Variants in TEX11 observed in about 807,000 individuals in gnomAD.
TEX11 encodes testis expressed 11.
Under a neutral mutation model 84.4 loss-of-function variants are expected in TEX11, and 7 were observed. That is an observed-to-expected ratio of 0.08 (90% CI 0.05 to 0.16). The LOEUF is 0.16. Among genes scored for constraint, TEX11 ranks in the 10% least tolerant of loss-of-function variants. TEX11 has a pLI of 1.00. For missense variants in TEX11, 551 were observed against 660.5 expected (o/e 0.83, Z 1.82); for synonymous variants, 264 against 222.8 (o/e 1.18, Z -1.64).
intron 2 of TEX11, among the ~76,000 whole-genome samples, chrX:70,890,683 G>C (rs1196734401): frequency 2.7e-5 from 3 of 112,297 alleles, no homozygotes; most frequent in Non-Finnish European, 3.8e-5. Flanking sequence ...GGCTTGAGTA[G>C]GTAAACAAAG....
chrX:70,817,260 C>T (rs1380391173), intron 8 of TEX11, among the ~76,000 whole-genome samples: 2 of 106,778 alleles, frequency 1.9e-5, no homozygotes, highest in African/African-American at 7.0e-5. Context: ...TATATACACA[C>T]ACACACACAC....
At chrX:70,875,584 CAAAAAAA>C (rs34342977) in intron 3 of TEX11, among the ~76,000 whole-genome samples, 5 of 60,078 alleles carry the variant, frequency 8.3e-5, no homozygotes, top group African/African-American at 1.2e-4. Flanking sequence ...ACTAAAAATA[CAAAAAAA>C]AAAAAAAAAA....
At chrX:70,633,267 A>G (rs2089531405) in intron 17 of TEX11, among the ~76,000 whole-genome samples, 1 of 112,247 alleles carries the variant, frequency 8.9e-6, no homozygotes, top group Non-Finnish European at 1.9e-5. Flanking sequence ...TTGAAAATCA[A>G]TTAATGTAAC....
At chrX:70,557,550 T>C (rs767777038) in intron 25 of TEX11, among the ~76,000 whole-genome samples, 1 of 111,728 alleles carries the variant, frequency 9.0e-6, no homozygotes, top group Non-Finnish European at 1.9e-5. Context: ...TAGTTTCCAT[T>C]TTGTTATGTA....
the TEX11 span, among the ~76,000 whole-genome samples, chrX:70,516,857 C>T: frequency 1.8e-5 from 2 of 110,480 alleles, no homozygotes; most frequent in African/African-American, 6.6e-5. Flanking sequence ...AGTTGGATTC[C>T]TAGGTATTTT....
intron 2 of TEX11, among the ~76,000 whole-genome samples, chrX:70,890,608 C>T (rs1395345698): frequency 1.8e-5 from 2 of 112,592 alleles, no homozygotes; most frequent in South Asian, 3.6e-4. Flanking sequence ...ACTGCTAGGG[C>T]AGCAGTTTGA....
At chrX:70,706,668 A>T in intron 13 of TEX11, among the ~76,000 whole-genome samples, 1 of 111,244 alleles carries the variant, frequency 9.0e-6, no homozygotes, top group East Asian at 2.8e-4. Flanking sequence ...GATATCCTTG[A>T]GACCACCAGG....
At chrX:70,855,784 C>T (rs772627164) in intron 5 of TEX11, among the ~76,000 whole-genome samples, 2 of 109,953 alleles carry the variant, frequency 1.8e-5, no homozygotes, top group East Asian at 2.9e-4. Flanking sequence ...CAAATGGGCA[C>T]GAAAAATGAG....
At chrX:70,740,441 A>C in intron 11 of TEX11, among the ~76,000 whole-genome samples, 1 of 111,199 alleles carries the variant, frequency 9.0e-6, no homozygotes, top group Non-Finnish European at 1.9e-5. Flanking sequence ...CACCTTTTTT[A>C]TTTTTACGTC....
intron 13 of TEX11, among the ~76,000 whole-genome samples, chrX:70,683,503 T>A (rs747773641): frequency 8.0e-4 from 89 of 111,144 alleles, no homozygotes; most frequent in African/African-American, 2.7e-3. Context: ...ATGCTTGTAG[T>A]CTCAGCTACT....
intron 3 of TEX11, among the ~76,000 whole-genome samples, chrX:70,874,171 G>A (rs1475860905): frequency 9.0e-6 from 1 of 110,706 alleles, no homozygotes; most frequent in African/African-American, 3.3e-5. Flanking sequence ...GGCCCTCACT[G>A]GAAGCAGATG....
intron 16 of TEX11, among the ~76,000 whole-genome samples, chrX:70,659,726 G>A (rs765716431): frequency 8.9e-6 from 1 of 112,143 alleles, no homozygotes; most frequent in South Asian, 3.7e-4. Flanking sequence ...AAAACTGAAA[G>A]CAGGAACTCA....
intron 24 of TEX11, among the ~76,000 whole-genome samples, chrX:70,598,762 C>T (rs1280582158): frequency 3.6e-5 from 4 of 111,839 alleles, no homozygotes; most frequent in Non-Finnish European, 7.5e-5. Context: ...ATACAAGGAG[C>T]CAGTCAGAAA....
chrX:70,661,711 T>C (rs1347861966), intron 16 of TEX11, among the ~76,000 whole-genome samples: 2 of 111,075 alleles, frequency 1.8e-5, no homozygotes, highest in African/African-American at 6.5e-5. Flanking sequence ...AACATTTGCC[T>C]GATATCCACT....
At chrX:70,824,430 C>A (rs6624506) in intron 8 of TEX11, among the ~76,000 whole-genome samples, 1 of 110,884 alleles carries the variant, frequency 9.0e-6, no homozygotes, top group East Asian at 2.9e-4. Context: ...ATGGTGGCAA[C>A]AGCAGTGGTA....
intron 7 of TEX11, among the ~76,000 whole-genome samples, chrX:70,840,022 T>A (rs137942708): frequency 9.0e-6 from 1 of 111,705 alleles, no homozygotes; most frequent in Non-Finnish European, 1.9e-5. Flanking sequence ...CTGAAAGTGA[T>A]GGGGAGAATG....
intron 9 of TEX11, among the ~76,000 whole-genome samples, chrX:70,802,679 A>G (rs1354660743): frequency 9.0e-6 from 1 of 111,282 alleles, no homozygotes. Flanking sequence ...TAGAAATAAA[A>G]CTACTAGAGA....
intron 3 of TEX11, among the ~76,000 whole-genome samples, chrX:70,873,738 TA>T (rs931174634): frequency 1.8e-5 from 2 of 112,117 alleles, no homozygotes; most frequent in African/African-American, 3.2e-5. Context: ...TTCTTTGTTT[TA>T]TTTCTTTTCT....
At chrX:70,575,613 G>A (rs1162398181) in intron 25 of TEX11, among the ~76,000 whole-genome samples, 1 of 111,412 alleles carries the variant, frequency 9.0e-6, no homozygotes, top group Non-Finnish European at 1.9e-5. Flanking sequence ...TGAACCTTCT[G>A]GATCCTTGAC....
Sources: gnomAD v4.1 joint callset for allele counts (sites outside exome capture counted in the v4.1 genomes callset) on GRCh38, gnomAD v4.1.1 for gene constraint, MANE v1.5 for transcripts, NCBI Gene and HGNC (gene_info 2026-07-23, HGNC 2026-07-21) for gene names.